PPP2R5E: variants seen among roughly 807,000 people sequenced by gnomAD.
PPP2R5E encodes the protein serine/threonine-protein phosphatase 2A 56 kDa regulatory subunit epsilon isoform.
PPP2R5E carries 4 observed loss-of-function variants against 65.3 expected under a neutral mutation model. That is an observed-to-expected ratio of 0.06 (90% CI 0.03 to 0.14). The LOEUF is 0.14. PPP2R5E is among the 10% of genes least tolerant of loss of function. PPP2R5E has a pLI of 1.00. For synonymous variants in PPP2R5E, 183 were observed against 187.4 expected (o/e 0.98, Z 0.19); for missense variants, 274 against 556.1 (o/e 0.49, Z 5.10).
chr14:63,382,190 T>A, intron 12 of PPP2R5E, 33 bp from the exon 13 acceptor site: 1 of 1,556,696 alleles, frequency 6.4e-7, no homozygotes, highest in East Asian at 2.2e-5. Context: ...AGTGTGTTAG[T>A]TAGTCTTATA....
intron 2 of PPP2R5E, among the ~76,000 whole-genome samples, chr14:63,504,703 C>T (rs557170267): frequency 1.3e-5 from 2 of 152,180 alleles, no homozygotes; most frequent in South Asian, 4.1e-4. Context: ...GGAGAGAAAA[C>T]CTATACCCAT....
intron 2 of PPP2R5E, among the ~76,000 whole-genome samples, chr14:63,498,024 T>C (rs1891666550): frequency 6.6e-6 from 1 of 152,224 alleles, no homozygotes; most frequent in Non-Finnish European, 1.5e-5. Flanking sequence ...AATAACTGAA[T>C]TTAGTTCCTA....
chr14:63,433,399 T>G (rs549477919), intron 3 of PPP2R5E, among the ~76,000 whole-genome samples: 6 of 152,212 alleles, frequency 3.9e-5, no homozygotes, highest in South Asian at 4.2e-4. Context: ...GGCTTGCCTA[T>G]AGTGAGACTG....
chr14:63,510,668 G>C (rs574597397), intron 2 of PPP2R5E, among the ~76,000 whole-genome samples: 129 of 152,358 alleles, frequency 8.5e-4, no homozygotes, highest in Middle Eastern at 3.4e-3. Context: ...ACAGCAAGGA[G>C]GGAGTGTGGC....
chr14:63,492,521 T>A (rs941544859), intron 2 of PPP2R5E, among the ~76,000 whole-genome samples: 1 of 152,122 alleles, frequency 6.6e-6, no homozygotes, highest in Non-Finnish European at 1.5e-5. Context: ...TTTAAATTAA[T>A]CCCATGGAAA....
chr14:63,410,801 C>T (rs1232187723), intron 5 of PPP2R5E, among the ~76,000 whole-genome samples: 2 of 152,202 alleles, frequency 1.3e-5, no homozygotes, highest in Non-Finnish European at 2.9e-5. Flanking sequence ...TGATTTCATT[C>T]AAGCTCTCAA....
chr14:63,404,106 A>G (rs1045886646), intron 5 of PPP2R5E, among the ~76,000 whole-genome samples: 1 of 152,172 alleles, frequency 6.6e-6, no homozygotes, highest in African/African-American at 2.4e-5. Flanking sequence ...GTTTGGAGAA[A>G]GATGAGGCAA....
At chr14:63,450,174 C>A (rs116551494) in intron 3 of PPP2R5E, among the ~76,000 whole-genome samples, 1 of 152,104 alleles carries the variant, frequency 6.6e-6, no homozygotes, top group East Asian at 1.9e-4. Flanking sequence ...CCGCGCCCAG[C>A]GCCTTGTCTC....
At chr14:63,452,593 G>A (rs1310414556) in intron 3 of PPP2R5E, 8 of 152,154 alleles carry the variant, frequency 5.3e-5, no homozygotes, top group Admixed American at 5.2e-4. Context: ...AAACATTCTA[G>A]TGCTACATTC....
At chr14:63,482,701 C>T (rs1014339133) in intron 2 of PPP2R5E, among the ~76,000 whole-genome samples, 3 of 152,124 alleles carry the variant, frequency 2.0e-5, no homozygotes, top group Non-Finnish European at 4.4e-5. Flanking sequence ...TATCTGAATG[C>T]ATAAAAATCT....
chr14:63,452,721 G>C (rs1001860996), intron 3 of PPP2R5E: 1 of 152,158 alleles, frequency 6.6e-6, no homozygotes, highest in African/African-American at 2.4e-5. Flanking sequence ...GATCATTCAA[G>C]TGCCTTTGCA....
At chr14:63,482,000 A>C (rs754251847) in intron 2 of PPP2R5E, among the ~76,000 whole-genome samples, 4 of 152,222 alleles carry the variant, frequency 2.6e-5, no homozygotes, top group Non-Finnish European at 5.9e-5. Flanking sequence ...TACATATATA[A>C]AAGTAATGCA....
Position 63,376,017 on chromosome 14 carries a change from G to T in PPP2R5E, c.1396C>A (p.Pro466Thr). ...KRGLRRDGII[P>T]T Reference sequence around the variant, plus strand: ...TGTTGTCATTGTTTTTGTTAAGTTGGAATTATTCCATCACGTCTAAGACCT... The same window carrying T: ...TGTTGTCATTGTTTTTGTTAAGTTGTAATTATTCCATCACGTCTAAGACCT... The change falls in exon 14 of 14, where the codon CCA becomes ACA. Residue 466 changes from proline to threonine, a missense_variant. Physicochemically the swap from Pro to Thr is conservative, Grantham distance 38. Around this residue, in one of 6 missense-constraint regions of PPP2R5E, gnomAD observed 129 missense variants for 254.9 expected, o/e 0.51. Transcript: ENST00000337537. The T allele has an allele frequency of 6.3e-7, 1 of 1,587,702 alleles. No homozygotes were observed.
At chr14:63,487,063 G>A (rs1794332159) in intron 2 of PPP2R5E, among the ~76,000 whole-genome samples, 1 of 152,152 alleles carries the variant, frequency 6.6e-6, no homozygotes, top group South Asian at 2.1e-4. Context: ...ACATGCTTCT[G>A]TAACAAATAA....
intron 13 of PPP2R5E, among the ~76,000 whole-genome samples, chr14:63,376,634 C>A (rs1883999604): frequency 6.6e-6 from 1 of 152,164 alleles, no homozygotes; most frequent in South Asian, 2.1e-4. Flanking sequence ...TGAGATTTCA[C>A]TATTTGGTAA....
chr14:63,479,590 C>T (rs1227204500), intron 2 of PPP2R5E, among the ~76,000 whole-genome samples: 1 of 152,104 alleles, frequency 6.6e-6, no homozygotes, highest in Non-Finnish European at 1.5e-5. Flanking sequence ...GTCTTTAGTA[C>T]AATAAAGGTA....
chr14:63,385,339 A>G (rs1884598577), intron 11 of PPP2R5E, among the ~76,000 whole-genome samples: 1 of 152,098 alleles, frequency 6.6e-6, no homozygotes, highest in Non-Finnish European at 1.5e-5. Flanking sequence ...CTCCCACCAA[A>G]AAAAAAGTCC....
intron 2 of PPP2R5E, among the ~76,000 whole-genome samples, chr14:63,500,282 C>A (rs893773461): frequency 6.6e-6 from 1 of 152,054 alleles, no homozygotes; most frequent in Non-Finnish European, 1.5e-5. Flanking sequence ...GAAACCGACG[C>A]CCTAGATTTA....
chr14:63,496,430 T>A (rs1347221968), intron 2 of PPP2R5E, among the ~76,000 whole-genome samples: 1 of 128,858 alleles, frequency 7.8e-6, no homozygotes, highest in Non-Finnish European at 1.5e-5. Context: ...GGCAACAGAG[T>A]AAGACTCTGT....
Sources: gnomAD v4.1 joint callset for allele counts (sites outside exome capture counted in the v4.1 genomes callset) on GRCh38, gnomAD v4.1.1 for gene constraint, gnomAD v4.1.1 regional missense constraint, MANE v1.5 for transcripts, NCBI Gene and HGNC (gene_info 2026-07-23, HGNC 2026-07-21) for gene names.